The following SLC11A2 variants were observed in gnomAD, a reference collection of about 807,000 sequenced individuals.
SLC11A2 encodes the protein natural resistance-associated macrophage protein 2.
In SLC11A2, 38 loss-of-function variants were observed where a neutral mutation model predicts 68.0. That is an observed-to-expected ratio of 0.56 (90% CI 0.43 to 0.73). The LOEUF (loss-of-function observed/expected upper bound fraction) is 0.73. Among genes scored for constraint, SLC11A2 ranks in the 30% least tolerant of loss-of-function variants. The probability of loss-of-function intolerance (pLI) is 0.00; values close to 1 mark genes in which losing one functional copy is unlikely to be tolerated. For synonymous variants in SLC11A2, 242 were observed against 250.6 expected, an observed-to-expected ratio of 0.97 and a Z score of 0.32; for missense variants, 517 against 690.5, an observed-to-expected ratio of 0.75 and a Z score of 2.82.
chr12:51,010,828 G>A lies in SLC11A2; in HGVS notation c.-38-62C>T, dbSNP rs968502490. 30 of 879,592 alleles carry A rather than the reference G, an allele frequency of 3.4e-5. No individual in the cohort carries two copies. In the East Asian group the frequency reaches 7.4e-4, roughly 22 times the overall value. The allele number at this position is 879,592 out of a possible 1,614,324, so 54.5% of individuals were successfully genotyped here. On this transcript the variant is annotated intron_variant, in intron 1 of 15. Transcript: ENST00000262052. ...GAACAAACTAACAAGTTCAGAACCA[G>A]CAGTTTGTTACTCTGTATGACTGAA...
chr12:50,981,622 G>A (rs750752639), downstream of SLC11A2: 13 of 763,164 alleles, frequency 1.7e-5, no homozygotes, highest in South Asian at 5.9e-5. Flanking sequence ...TGTTCAAAAC[G>A]TCTGAACAAA....
downstream of SLC11A2, among the ~76,000 whole-genome samples, chr12:50,982,462 A>G (rs999403385): frequency 6.6e-6 from 1 of 152,122 alleles, no homozygotes; most frequent in Admixed American, 6.6e-5. Context: ...CGTCTCTACT[A>G]AAAATACAAA....
At chr12:50,985,975 A>G, downstream of SLC11A2, 5 of 1,148,290 alleles carry the variant, frequency 4.4e-6, no homozygotes, top group Non-Finnish European at 4.3e-6. Flanking sequence ...GGTTAAAAAA[A>G]TACCCAGGAA....
chr12:50,981,533 T>TA, downstream of SLC11A2: 1 of 540,780 alleles, frequency 1.8e-6, no homozygotes, highest in Non-Finnish European at 3.4e-6. Flanking sequence ...GTATGACTGT[T>TA]ATGAGGTGGG....
At chr12:51,014,587 C>G (rs1943479884) in intron 1 of SLC11A2, among the ~76,000 whole-genome samples, 1 of 152,218 alleles carries the variant, frequency 6.6e-6, no homozygotes, top group Admixed American at 6.5e-5. Context: ...GGCGGTGGCT[C>G]ACGTCTCTAA....
downstream of SLC11A2, among the ~76,000 whole-genome samples, chr12:50,976,049 A>T (rs1397092809): frequency 6.6e-6 from 1 of 152,252 alleles, no homozygotes; most frequent in African/African-American, 2.4e-5. Context: ...TCACAGCCGA[A>T]TTCTACCAGA....
rs78789853 is a variant in SLC11A2, at chr12:51,023,994, G to C, written c.-39+2316C>G. Among the ~76,000 whole-genome samples the C allele has an allele frequency of 1.6e-4, 25 of 152,206 alleles. No individual in the cohort carries two copies. The East Asian group carries it at 4.6e-3, about 28-fold the overall frequency. ...TTACAGAGCCAGACCTTGTCTTGTG[G>C]GGGGTGGGAGGGGAAGTCTTGAACT... On this transcript the variant is annotated intron_variant, in intron 1 of 15. Transcript: ENST00000262052.
At chr12:50,960,908 G>A in the SLC11A2 span, 11 of 1,436,468 alleles carry the variant, frequency 7.7e-6, no homozygotes, top group African/African-American at 1.5e-5. Context: ...TCAAACTCCT[G>A]GTCTCACACG....
At chr12:50,994,876 C>T (rs1319750853) in intron 10 of SLC11A2, 11 of 491,054 alleles carry the variant, frequency 2.2e-5, no homozygotes, top group South Asian at 4.2e-5. Context: ...AATGTACAAA[C>T]GCTGGGGTAC....
downstream of SLC11A2, chr12:50,985,848 CCTTT>C (rs1940487232): frequency 1.3e-6 from 1 of 766,286 alleles, no homozygotes; most frequent in African/African-American, 1.9e-5. Context: ...ATTTCTCTAT[CCTTT>C]CTAAGGAGAA....
At chr12:51,002,127 T>C (rs1193910708) in intron 5 of SLC11A2, among the ~76,000 whole-genome samples, 1 of 152,036 alleles carries the variant, frequency 6.6e-6, no homozygotes, top group Non-Finnish European at 1.5e-5. Context: ...GTGGGAGGAT[T>C]ACTTGAGCCC....
At chr12:50,968,446 G>A in the SLC11A2 span, among the ~76,000 whole-genome samples, 11 of 152,168 alleles carry the variant, frequency 7.2e-5, no homozygotes, top group Admixed American at 4.6e-4. Context: ...GCGTGCAGTG[G>A]CGTGATCACG....
In SLC11A2 at chr12:50,997,021, G is replaced by A. The variant is rs1941763810; in HGVS notation, c.676-49C>T. ...TAGCCTTTACAGGAACGTGAAACGG[G>A]AGTAACATAGTACCAGGGAACAGTT... On this transcript the variant is annotated intron_variant, in intron 8 of 15. Transcript: ENST00000262052. 7 of 1,434,496 alleles carry A rather than the reference G, an allele frequency of 4.9e-6. No individual in the cohort carries two copies. In the Admixed American group the frequency reaches 1.2e-4, roughly 24 times the overall value. The allele number at this position is 1,434,496 out of a possible 1,614,324, so 88.9% of individuals were successfully genotyped here. A position where few individuals can be genotyped will look rare whatever the true frequency, so the allele number is the denominator to read the frequency against.
At position 51,026,355 on chromosome 12, in the gene SLC11A2, G is replaced by T. The variant is rs537085025; in HGVS notation, c.-84C>A. On this transcript the variant is annotated 5_prime_UTR_variant, in exon 1 of 16. Coordinates refer to ENST00000262052, the MANE Select transcript of SLC11A2 (RefSeq NM_000617.3). ...CTGACACGCCGCCCCCGCGCCCAGG[G>T]CTCCATATTCCGGGAGCCAGCGCCA... The T allele has an allele frequency of 7.8e-7, 1 of 1,281,876 alleles. No homozygotes were observed. The allele number at this position is 1,281,876 out of a possible 1,614,324, so 79.4% of individuals were successfully genotyped here.
chr12:51,005,880 C>T, intron 3 of SLC11A2: 1 of 358,046 alleles, frequency 2.8e-6, no homozygotes, highest in Non-Finnish European at 5.3e-6. Context: ...CTCTTCTTGA[C>T]CAAGGGCATT....
chr12:50,964,178 AT>A, the SLC11A2 span, among the ~76,000 whole-genome samples: 1 of 152,238 alleles, frequency 6.6e-6, no homozygotes, highest in Non-Finnish European at 1.5e-5. Flanking sequence ...ACATAAATGC[AT>A]TCATATCAAA....
intron 11 of SLC11A2, chr12:50,993,208 AAAAAG>A (rs1941356539): frequency 3.1e-5 from 12 of 389,866 alleles, no homozygotes; most frequent in Admixed American, 1.9e-4. Flanking sequence ...AAAAAAAAAA[AAAAAG>A]AGGTCTACAC....
At chr12:50,995,317 C>T (rs1941598733) in intron 10 of SLC11A2, among the ~76,000 whole-genome samples, 1 of 152,038 alleles carries the variant, frequency 6.6e-6, no homozygotes, top group African/African-American at 2.4e-5. Context: ...TCAAAAAAAA[C>T]ACTACATAGG....
rs547684045 is a variant in SLC11A2, at chr12:50,997,658, C to CA, written c.676-687dup. Among the ~76,000 whole-genome samples, 9 of 103,540 alleles carry CA rather than the reference C, an allele frequency of 8.7e-5. No individual in the cohort carries two copies. The South Asian group carries it at 3.2e-3, about 36-fold the overall frequency. The allele number at this position is 103,540 out of a possible 152,430, so 67.9% of individuals were successfully genotyped here. On this transcript the variant is annotated intron_variant, in intron 8 of 15. Transcript: ENST00000262052. ...TCGTGCCACTGAACTCCAGCATAGG[C>CA]AATAGTGTGAGACTCTGTCTCAAAA...
Sources: gnomAD v4.1 joint callset for allele counts (sites outside exome capture counted in the v4.1 genomes callset) on GRCh38, gnomAD v4.1.1 for gene constraint, MANE v1.5 for transcripts, NCBI Gene and HGNC (gene_info 2026-07-23, HGNC 2026-07-21) for gene names.